Variants in ZNF397 observed in about 807,000 individuals in gnomAD.
The protein encoded by ZNF397 is zinc finger protein 397, also known as zinc finger and SCAN domain-containing protein 15.
A neutral mutation model predicts 50.6 loss-of-function variants in ZNF397; 38 were observed. That is an observed-to-expected ratio of 0.75 (90% CI 0.58 to 0.98). ZNF397 has a LOEUF of 0.98. Among genes scored for constraint, ZNF397 ranks in the 50% least tolerant of loss-of-function variants. The pLI, the probability that ZNF397 is intolerant of heterozygous loss-of-function variation, is 0.00. For synonymous variants in ZNF397, 228 were observed against 215.2 expected (o/e 1.06, Z -0.52); for missense variants, 624 against 624.1 (o/e 1.00, Z 0.00).
At chr18:35,243,330 T>C in intron 3 of ZNF397, 37 bp downstream of exon 3, 1 of 1,614,120 alleles carries the variant, frequency 6.2e-7, no homozygotes, top group Non-Finnish European at 8.5e-7. Flanking sequence ...CTCTTGACAC[T>C]TAGGCCTCTG....
chr18:35,250,123 C>T (rs115898306), downstream of ZNF397, among the ~76,000 whole-genome samples: 32 of 152,178 alleles, frequency 2.1e-4, no homozygotes, highest in Admixed American at 2.1e-3. Context: ...AAGTATAAAT[C>T]TGGGTGCAAA....
rs1255654721 is a variant in ZNF397, at chr18:35,249,091, G to T, written c.*2781G>T. 6.6e-6 allele frequency: 1 copy of T among 152,074 alleles called. No homozygotes were observed. Among genetic ancestry groups the T allele is most frequent in the Non-Finnish European group, 1.5e-5 (1 of 68,024 alleles). The allele number at this position is 152,074 out of a possible 1,614,324, so 9.4% of individuals were successfully genotyped here. A position where few individuals can be genotyped will look rare whatever the true frequency, so the allele number is the denominator to read the frequency against. ...CTTAAGTAGGGAAATCACAAAATAAGTGCCAATGAACAATAAATGTTCAAC... is the reference window on the plus strand; with the variant it reads ...CTTAAGTAGGGAAATCACAAAATAATTGCCAATGAACAATAAATGTTCAAC... On this transcript the variant is annotated 3_prime_UTR_variant, in exon 4 of 4. Coordinates refer to ENST00000330501, the MANE Select transcript of ZNF397 (RefSeq NM_001135178.3).
Position 35,248,209 on chromosome 18 carries a change from A to T in ZNF397, c.*1899A>T, listed in dbSNP as rs1370507661. On this transcript the variant is annotated 3_prime_UTR_variant, in exon 4 of 4. Transcript: ENST00000330501. ...CAAAAACAAATCTGTATGGAAATCT[A>T]GAATCATGTGCATAGAAAAAGAATT... The T allele has an allele frequency of 6.6e-6, 1 of 152,218 alleles. No homozygotes were observed. Among genetic ancestry groups the T allele is most frequent in the East Asian group, 1.9e-4 (1 of 5,190 alleles). The allele number at this position is 152,218 out of a possible 1,614,324, so 9.4% of individuals were successfully genotyped here.
chr18:35,241,497 A>G (rs1448978775), intron 1 of ZNF397: 1 of 152,266 alleles, frequency 6.6e-6, no homozygotes, highest in African/African-American at 2.4e-5. Context: ...CTAAGGGCAT[A>G]CATTCCTATC....
At chr18:35,257,986 C>T (rs554734895) in exon 6 of ZNF397, 45 of 780,954 alleles carry the variant, frequency 5.8e-5, no homozygotes, top group South Asian at 1.9e-4. Context: ...CCATCTCAGG[C>T]GCTACTTCTG....
At chr18:35,250,050 T>C (rs1254812638), downstream of ZNF397, among the ~76,000 whole-genome samples, 2 of 152,206 alleles carry the variant, frequency 1.3e-5, no homozygotes, top group African/African-American at 4.8e-5. Flanking sequence ...GATCCCTTCA[T>C]CACTGGTAAA....
chr18:35,245,529 G>C lies in ZNF397; in HGVS notation c.824G>C (p.Cys275Ser). 6.4e-7 allele frequency: 1 copy of C among 1,552,424 alleles called. No homozygotes were observed. Among genetic ancestry groups the C allele is most frequent in the Non-Finnish European group, 8.7e-7 (1 of 1,147,172 alleles). Residue 275 changes from cysteine (C) to serine (S), a missense_variant, in exon 4 of 4, where the codon TGT becomes TCT. Coordinates refer to ENST00000330501, the MANE Select transcript of ZNF397 (RefSeq NM_001135178.3). ...CLILTTDSIM[C>S]QKVPPEERPY... ...ATTCTAACTACAGACTCTATAATGT[G>C]TCAGAAAGTTCCTCCAGAAGAGAGA...
At chr18:35,250,960 GTTCCCTATC>G (rs2043571534), downstream of ZNF397, 1 of 152,098 alleles carries the variant, frequency 6.6e-6, no homozygotes, top group Non-Finnish European at 1.5e-5. Flanking sequence ...GAGAACACCA[GTTCCCTATC>G]TTCTTCCCAC....
At chr18:35,242,291 A>G (rs565126974) in intron 1 of ZNF397, 100 bp from the exon 2 acceptor site, 60 of 545,238 alleles carry the variant, frequency 1.1e-4, no homozygotes, top group Non-Finnish European at 1.8e-4. Context: ...CCCCAAATCT[A>G]CTCCCTTTCA....
chr18:35,244,247 C>T (rs1912757801), intron 3 of ZNF397: 1 of 154,214 alleles, frequency 6.5e-6, no homozygotes, highest in Admixed American at 6.5e-5. Flanking sequence ...GAGGATGATA[C>T]TGAGGTTTCA....
At chr18:35,256,210 A>T (rs1224955832) in intron 5 of ZNF397, 1 of 152,428 alleles carries the variant, frequency 6.6e-6, no homozygotes, top group African/African-American at 2.4e-5. Flanking sequence ...TATTATATTT[A>T]AAAAGTTGGA....
downstream of ZNF397, chr18:35,254,561 G>A (rs188512173): frequency 1.1e-5 from 12 of 1,059,090 alleles, no homozygotes; most frequent in East Asian, 1.3e-4. Context: ...TGGCCCCCTT[G>A]GAGAGTAAGG....
rs546736118 is a variant in ZNF397, at chr18:35,243,282, C to T, written c.545C>T (p.Ser182Phe). 2 of 1,614,202 alleles carry T rather than the reference C, an allele frequency of 1.2e-6. No individual in the cohort carries two copies. Among genetic ancestry groups the T allele is most frequent in the South Asian group, 1.1e-5 (1 of 91,090 alleles). Reference sequence around the variant, plus strand: ...CTGAAATCCTGGAAACCATGCCTTTCCCCTAAAAGTGGTGAGGAATGGGAA... The same window carrying T: ...CTGAAATCCTGGAAACCATGCCTTTTCCCTAAAAGTGGTGAGGAATGGGAA... The part of the protein sequence containing the change: ...TQLKSWKPCL[S>F]PKSDCENSET... Residue 182 changes from serine (S) to phenylalanine (F), a missense_variant, in exon 3 of 4, where the codon TCC becomes TTC. Physicochemically the swap from Ser to Phe is radical, Grantham distance 155. Transcript: ENST00000330501.
downstream of ZNF397, among the ~76,000 whole-genome samples, chr18:35,250,146 C>T (rs751599296): frequency 2.6e-5 from 4 of 152,116 alleles, no homozygotes; most frequent in Non-Finnish European, 4.4e-5. Flanking sequence ...GAATTCTTGC[C>T]TGAAAGATTT....
downstream of ZNF397, chr18:35,251,326 C>G (rs1274048565): frequency 6.6e-6 from 1 of 152,098 alleles, no homozygotes; most frequent in African/African-American, 2.4e-5. Context: ...GGAGAAAAAC[C>G]TATTATATGA....
chr18:35,246,741 A>C lies in ZNF397; in HGVS notation c.*431A>C. On this transcript the variant is annotated 3_prime_UTR_variant, in exon 4 of 4. Transcript: ENST00000330501. Reference sequence around the variant, plus strand: ...AAAAAAAACTGACCCAATAAAGAACAGTGACAGAGCAGCAGGAAAGGTGGG... The same window carrying C: ...AAAAAAAACTGACCCAATAAAGAACCGTGACAGAGCAGCAGGAAAGGTGGG... The C allele has an allele frequency of 1.0e-6, 1 of 989,322 alleles. No individual in the cohort carries two copies. The highest frequency in any genetic ancestry group is 1.2e-6 in the Non-Finnish European group (1 of 832,836). The allele number at this position is 989,322 out of a possible 1,614,324, so 61.3% of individuals were successfully genotyped here.
chr18:35,246,296 C>G lies in ZNF397; in HGVS notation c.1591C>G (p.His531Asp). Residue 531 changes from histidine to aspartate, a missense_variant, in exon 4 of 4, where the codon CAC becomes GAC. By Grantham distance (81) the His-to-Asp change is moderately conservative. Coordinates refer to ENST00000330501, the MANE Select transcript of ZNF397 (RefSeq NM_001135178.3). ...GGTCCTTATGCGCCATCAAAGAGTC[C>G]ACACTATAAAGTAATTTGTGAATAC... ...RSVLMRHQRV[H>D]TIK 6.5e-7 allele frequency: 1 copy of G among 1,541,522 alleles called. No homozygotes were observed. Among genetic ancestry groups the G allele is most frequent in the Non-Finnish European group, 8.7e-7 (1 of 1,143,572 alleles).
At chr18:35,253,743 A>G, downstream of ZNF397, 1 of 1,614,130 alleles carries the variant, frequency 6.2e-7, no homozygotes, top group Non-Finnish European at 8.5e-7. Flanking sequence ...ATAAGGGCTG[A>G]GCTCCGGCTG....
Position 35,242,419 on chromosome 18 carries a change from C to T in ZNF397, c.-52C>T. ...AGAAGAGATTACTCACACTCCTTCG[C>T]AAGCACAGAACCAGTTGTACTGAGC... is the stretch of plus-strand genomic sequence containing the variant. On this transcript the variant is annotated 5_prime_UTR_variant, in exon 2 of 4. Coordinates refer to ENST00000330501, the MANE Select transcript of ZNF397 (RefSeq NM_001135178.3). 6.5e-7 allele frequency: 1 copy of T among 1,538,198 alleles called. No individual in the cohort carries two copies. Among genetic ancestry groups the T allele is most frequent in the Non-Finnish European group, 8.8e-7 (1 of 1,138,404 alleles).
Sources: gnomAD v4.1 joint callset for allele counts (sites outside exome capture counted in the v4.1 genomes callset) on GRCh38, gnomAD v4.1.1 for gene constraint, MANE v1.5 for transcripts, NCBI Gene and HGNC (gene_info 2026-07-23, HGNC 2026-07-21) for gene names.